The following KLHL1 variants were observed in gnomAD, a reference collection of about 807,000 sequenced individuals.
KLHL1 encodes the protein kelch like family member 1, also known as kelch-like protein 1.
Under a neutral mutation model 77.7 loss-of-function variants are expected in KLHL1, and 47 were observed. The observed-to-expected ratio is 0.60, with a 90% confidence interval of 0.48 to 0.77. The LOEUF (loss-of-function observed/expected upper bound fraction) is 0.77. KLHL1 is among the 30% of genes least tolerant of loss of function. The pLI, the probability that KLHL1 is intolerant of heterozygous loss-of-function variation, is 0.00. For synonymous variants in KLHL1, 360 were observed against 325.2 expected, an observed-to-expected ratio of 1.11 and a Z score of -1.15; for missense variants, 925 against 910.8, an observed-to-expected ratio of 1.02 and a Z score of -0.20.
intron 7 of KLHL1, among the ~76,000 whole-genome samples, chr13:69,790,164 C>T (rs978343125): frequency 3.9e-5 from 6 of 152,144 alleles, no homozygotes; most frequent in Admixed American, 2.6e-4. Context: ...CATATAAAAG[C>T]AACCTCTTAT....
intron 1 of KLHL1, among the ~76,000 whole-genome samples, chr13:69,986,049 A>T (rs919491042): frequency 1.3e-5 from 2 of 151,508 alleles, no homozygotes; most frequent in Non-Finnish European, 2.9e-5. Flanking sequence ...ACCCTCCAGG[A>T]TATTACTTTA....
chr13:69,711,586 T>TTTAAA (rs1875879950), intron 9 of KLHL1, among the ~76,000 whole-genome samples: 1 of 152,160 alleles, frequency 6.6e-6, no homozygotes, highest in Non-Finnish European at 1.5e-5. Context: ...CTTTAAAAAC[T>TTTAAA]ATTTATATTC....
intron 8 of KLHL1, among the ~76,000 whole-genome samples, chr13:69,728,569 A>G (rs952340847): frequency 3.3e-5 from 5 of 151,736 alleles, no homozygotes; most frequent in Non-Finnish European, 7.4e-5. Flanking sequence ...TTGGGAGGCC[A>G]AGGTGGGCAG....
chr13:69,773,679 T>C (rs1457969033), intron 7 of KLHL1, among the ~76,000 whole-genome samples: 1 of 151,922 alleles, frequency 6.6e-6, no homozygotes, highest in Non-Finnish European at 1.5e-5. Context: ...GCACAGAACC[T>C]AAATTAGTAA....
At chr13:69,826,666 T>TA (rs1387214746) in intron 6 of KLHL1, among the ~76,000 whole-genome samples, 9 of 152,202 alleles carry the variant, frequency 5.9e-5, no homozygotes, top group Admixed American at 1.3e-4. Flanking sequence ...ATATGTTAAT[T>TA]ATCTTGATTG....
chr13:69,888,253 A>C (rs1235232477), intron 4 of KLHL1, among the ~76,000 whole-genome samples: 3 of 152,156 alleles, frequency 2.0e-5, no homozygotes, highest in African/African-American at 7.2e-5. Context: ...CCAGCTTTTA[A>C]TATAACCACA....
Position 69,824,583 on chromosome 13 carries a change from A to G in KLHL1, c.1414+14393T>C, listed in dbSNP as rs189929032. Among the ~76,000 whole-genome samples, 5 of 152,264 alleles carry G rather than the reference A, an allele frequency of 3.3e-5. No individual in the cohort carries two copies. In the East Asian group the frequency reaches 9.6e-4, roughly 29 times the overall value. On this transcript the variant is annotated intron_variant, in intron 6 of 10. Transcript: ENST00000377844. The stretch of plus-strand genomic sequence containing the variant: ...ACTATTAATTAATTAAAAAGAAGAT[A>G]GGGATATGCACAACATAAATGAATT...
intron 4 of KLHL1, among the ~76,000 whole-genome samples, chr13:69,924,098 A>G (rs1344410191): frequency 6.6e-6 from 1 of 152,144 alleles, no homozygotes; most frequent in Non-Finnish European, 1.5e-5. Flanking sequence ...CCCCCTCTGG[A>G]CCTTGGGCAC....
chr13:69,851,654 C>T (rs1294094576), intron 5 of KLHL1, among the ~76,000 whole-genome samples: 2 of 151,692 alleles, frequency 1.3e-5, no homozygotes, highest in East Asian at 3.9e-4. Context: ...TCCCTTGCTC[C>T]TTCCTTTTCT....
intron 1 of KLHL1, among the ~76,000 whole-genome samples, chr13:70,091,120 G>A (rs1005690892): frequency 1.3e-5 from 2 of 151,972 alleles, no homozygotes; most frequent in Non-Finnish European, 2.9e-5. Flanking sequence ...GGAGTATTCT[G>A]TTTTCTATCA....
intron 1 of KLHL1, among the ~76,000 whole-genome samples, chr13:70,077,807 A>G (rs191551858): frequency 1.3e-5 from 2 of 152,190 alleles, no homozygotes; most frequent in Admixed American, 6.5e-5. Context: ...AACATATTAT[A>G]TACACAAAAA....
intron 1 of KLHL1, among the ~76,000 whole-genome samples, chr13:70,042,378 T>C (rs1886397631): frequency 6.6e-6 from 1 of 152,188 alleles, no homozygotes; most frequent in Admixed American, 6.5e-5. Flanking sequence ...CATGTGTATA[T>C]TCTTAGAAGC....
At chr13:69,790,214 A>G (rs1357261375) in intron 7 of KLHL1, among the ~76,000 whole-genome samples, 1 of 152,062 alleles carries the variant, frequency 6.6e-6, no homozygotes, top group African/African-American at 2.4e-5. Context: ...CAACCTTCAA[A>G]TATCTACTAA....
intron 3 of KLHL1, among the ~76,000 whole-genome samples, chr13:69,957,854 T>C (rs990248932): frequency 6.6e-6 from 1 of 151,846 alleles, no homozygotes; most frequent in Non-Finnish European, 1.5e-5. Context: ...ATACTGCTAA[T>C]TAAGAATTTA....
chr13:70,098,310 A>C (rs1593742293), intron 1 of KLHL1, among the ~76,000 whole-genome samples: 1 of 151,800 alleles, frequency 6.6e-6, no homozygotes, highest in African/African-American at 2.4e-5. Context: ...TGTCACATCT[A>C]TTTTTGCTTT....
chr13:69,749,379 A>C (rs1593795190), intron 7 of KLHL1, among the ~76,000 whole-genome samples: 2 of 152,090 alleles, frequency 1.3e-5, no homozygotes, highest in East Asian at 3.9e-4. Flanking sequence ...TAATTACATG[A>C]TGACTTCTGA....
intron 1 of KLHL1, among the ~76,000 whole-genome samples, chr13:70,055,937 TAACAA>T (rs1241992109): frequency 1.3e-5 from 2 of 151,226 alleles, no homozygotes; most frequent in African/African-American, 4.9e-5. Flanking sequence ...AGAAAACAAA[TAACAA>T]AACAAACTAA....
At chr13:69,966,237 G>A (rs1243087180) in intron 2 of KLHL1, among the ~76,000 whole-genome samples, 1 of 152,116 alleles carries the variant, frequency 6.6e-6, no homozygotes, top group Non-Finnish European at 1.5e-5. Flanking sequence ...TCAAAGGACA[G>A]GCTAACTCTC....
intron 7 of KLHL1, among the ~76,000 whole-genome samples, chr13:69,796,444 C>T (rs1384534375): frequency 1.3e-5 from 2 of 151,892 alleles, no homozygotes; most frequent in African/African-American, 2.4e-5. Flanking sequence ...TTAAAAAGAG[C>T]CTGACACCTG....
Sources: allele counts gnomAD v4.1 joint callset (sites outside exome capture counted in the v4.1 genomes callset), GRCh38; gene constraint gnomAD v4.1.1; transcripts MANE v1.5; gene names NCBI Gene and HGNC (gene_info 2026-07-23, HGNC 2026-07-21).